The following PCDHA10 variants were observed in gnomAD, a reference collection of about 807,000 sequenced individuals.
The protein encoded by PCDHA10 is protocadherin alpha 10.
In PCDHA10, 45 loss-of-function variants were observed where a neutral mutation model predicts 61.2. The ratio of observed to expected loss-of-function variants is 0.74; its 90% confidence interval spans 0.58 to 0.94. PCDHA10 has a LOEUF of 0.94. PCDHA10 is among the 40% of genes least tolerant of loss of function. PCDHA10 has a pLI of 0.00. For synonymous variants in PCDHA10, 602 were observed against 548.8 expected (o/e 1.10, Z -1.35); for missense variants, 1,278 against 1,236.2 (o/e 1.03, Z -0.51).
At chr5:140,999,858 C>G (rs1563644401) in intron 3 of PCDHA10, among the ~76,000 whole-genome samples, 3 of 152,170 alleles carry the variant, frequency 2.0e-5, no homozygotes. Context: ...CTCTTCCGCT[C>G]CAAGATTACT....
chr5:140,928,286 G>A (rs140714840), intron 1 of PCDHA10: 12 of 1,614,014 alleles, frequency 7.4e-6, no homozygotes, highest in Non-Finnish European at 9.3e-6. Flanking sequence ...GCCTCTCTAG[G>A]CCGAGTGTTT....
chr5:140,982,701 T>C, intron 3 of PCDHA10, 138 bp downstream of exon 3: 1 of 1,383,086 alleles, frequency 7.2e-7, no homozygotes, highest in South Asian at 1.6e-5. Flanking sequence ...CATACATGAT[T>C]TCCTTACATA....
chr5:140,984,138 G>A (rs1476039645), intron 3 of PCDHA10, among the ~76,000 whole-genome samples: 1 of 152,194 alleles, frequency 6.6e-6, no homozygotes, highest in East Asian at 1.9e-4. Flanking sequence ...GGATGTGGAG[G>A]CATCTGGGAA....
At chr5:140,935,093 A>G (rs1182064605) in intron 1 of PCDHA10, among the ~76,000 whole-genome samples, 1 of 152,204 alleles carries the variant, frequency 6.6e-6, no homozygotes, top group Admixed American at 6.5e-5. Context: ...TCCCAGAATC[A>G]GCCATTTTTC....
chr5:140,908,431 G>A (rs949756474), intron 1 of PCDHA10, among the ~76,000 whole-genome samples: 4 of 152,152 alleles, frequency 2.6e-5, no homozygotes, highest in Non-Finnish European at 5.9e-5. Context: ...GCTGCTGTGC[G>A]CACCCCACTT....
At chr5:140,935,080 C>T (rs1163743447) in intron 1 of PCDHA10, among the ~76,000 whole-genome samples, 1 of 152,076 alleles carries the variant, frequency 6.6e-6, no homozygotes, top group Non-Finnish European at 1.5e-5. Flanking sequence ...TGTACATTTC[C>T]TTTCCCAGAA....
intron 2 of PCDHA10, among the ~76,000 whole-genome samples, chr5:140,979,495 G>A (rs1405180713): frequency 6.6e-6 from 1 of 151,840 alleles, no homozygotes; most frequent in Non-Finnish European, 1.5e-5. Context: ...ACCTATTAGA[G>A]CCTCCTCATC....
At chr5:140,870,371 T>C (rs1419353241) in intron 1 of PCDHA10, 52 of 1,613,894 alleles carry the variant, frequency 3.2e-5, no homozygotes, top group Non-Finnish European at 4.2e-5. Flanking sequence ...TATGAACTGG[T>C]GGTGACTGCG....
intron 1 of PCDHA10, among the ~76,000 whole-genome samples, chr5:140,895,983 G>A (rs1186137755): frequency 1.3e-5 from 2 of 151,942 alleles, no homozygotes; most frequent in Non-Finnish European, 2.9e-5. Context: ...GCTAATTTTT[G>A]TATTTTAAGT....
chr5:140,869,029 A>T, intron 1 of PCDHA10: 4 of 1,526,468 alleles, frequency 2.6e-6, no homozygotes, highest in South Asian at 2.7e-5. Flanking sequence ...ATTCAACGAG[A>T]TTTTTAACCT....
chr5:141,000,103 G>T (rs551643743), intron 3 of PCDHA10, among the ~76,000 whole-genome samples: 2 of 152,068 alleles, frequency 1.3e-5, no homozygotes, highest in Non-Finnish European at 2.9e-5. Flanking sequence ...GCTCAACTCC[G>T]TCTCTTCCCT....
intron 1 of PCDHA10, among the ~76,000 whole-genome samples, chr5:140,954,127 T>A (rs530320994): frequency 2.6e-5 from 4 of 152,372 alleles, no homozygotes; most frequent in Non-Finnish European, 5.9e-5. Context: ...TTCCTTTTTA[T>A]GGATGCATAG....
At position 140,857,110 on chromosome 5, in the gene PCDHA10, G is replaced by C; in HGVS notation, c.1062G>C (p.Leu354=). 1 of 1,597,820 alleles carries C rather than the reference G, an allele frequency of 6.3e-7. No individual in the cohort carries two copies. ...CACCTGAGGTGATTGTCACTTCTCT[G>C]TCTCTCCCAGTGAAAGAAGATGCTC... The part of the protein sequence containing the change: ...DNSPEVIVTS[L]SLPVKEDAQV... Residue 354 remains leucine, a synonymous_variant, in exon 1 of 4, where the codon CTG becomes CTC. Transcript: ENST00000307360.
intron 1 of PCDHA10, among the ~76,000 whole-genome samples, chr5:140,875,095 G>A (rs2055270565): frequency 6.6e-6 from 1 of 152,156 alleles, no homozygotes; most frequent in Non-Finnish European, 1.5e-5. Context: ...AATTGTTGAT[G>A]TTTTGTTACT....
At position 140,943,090 on chromosome 5, in the gene PCDHA10, C is replaced by A. The variant is rs554425182; in HGVS notation, c.2389-35859C>A. On this transcript the variant is annotated intron_variant, in intron 1 of 3. Coordinates refer to ENST00000307360, the MANE Select transcript of PCDHA10 (RefSeq NM_018901.4). The stretch of plus-strand genomic sequence containing the variant: ...TGACCAACATGGTGAAATCCTGCCT[C>A]TACTAAAAAATACAAAAATTAGCCA... Among the ~76,000 whole-genome samples the A allele has an allele frequency of 1.8e-4, 27 of 151,656 alleles. No homozygotes were observed. The South Asian group carries it at 2.5e-3, about 14-fold the overall frequency.
At chr5:140,873,044 A>G (rs115529200) in intron 1 of PCDHA10, among the ~76,000 whole-genome samples, 15 of 152,172 alleles carry the variant, frequency 9.9e-5, no homozygotes, top group Non-Finnish European at 1.8e-4. Flanking sequence ...GAGTGGTGGT[A>G]TTACAGACTT....
intron 1 of PCDHA10, among the ~76,000 whole-genome samples, chr5:140,977,625 T>A (rs2096768746): frequency 6.6e-6 from 1 of 152,144 alleles, no homozygotes; most frequent in Non-Finnish European, 1.5e-5. Flanking sequence ...ATCCCAGAGT[T>A]GTAACTTTTT....
intron 3 of PCDHA10, among the ~76,000 whole-genome samples, chr5:140,991,302 T>C (rs2097443703): frequency 6.6e-6 from 1 of 152,204 alleles, no homozygotes; most frequent in African/African-American, 2.4e-5. Flanking sequence ...ATTACTATTA[T>C]CTTGTCCCGC....
At chr5:140,948,856 ATATTACTTCGGGTTTACTTT>A (rs1364138889) in intron 1 of PCDHA10, among the ~76,000 whole-genome samples, 11 of 151,588 alleles carry the variant, frequency 7.3e-5, no homozygotes, top group African/African-American at 2.7e-4. Context: ...TTGCCTTCTT[ATATTACTTCGGGTTTACTTT>A]GCTCTCTTTT....
Sources: gnomAD v4.1 joint callset for allele counts (sites outside exome capture counted in the v4.1 genomes callset) on GRCh38, gnomAD v4.1.1 for gene constraint, MANE v1.5 for transcripts, NCBI Gene and HGNC (gene_info 2026-07-23, HGNC 2026-07-21) for gene names.